CELF1: variants seen among roughly 807,000 people sequenced by gnomAD.
CELF1 encodes the protein CUGBP Elav-like family member 1.
In CELF1, 10 loss-of-function variants were observed where a neutral mutation model predicts 61.8. That is an observed-to-expected ratio of 0.16 (90% CI 0.10 to 0.27). The LOEUF (loss-of-function observed/expected upper bound fraction) is 0.27, where lower values mean the gene tolerates loss of function less well. Among genes scored for constraint, CELF1 ranks in the 10% least tolerant of loss-of-function variants. The pLI is 1.00. For missense variants in CELF1, 380 were observed against 639.1 expected (o/e 0.59, Z 4.37); for synonymous variants, 236 against 225.1 (o/e 1.05, Z -0.43).
At chr11:47,514,579 G>C (rs941885239) in intron 1 of CELF1, among the ~76,000 whole-genome samples, 5 of 151,744 alleles carry the variant, frequency 3.3e-5, no homozygotes, top group African/African-American at 1.2e-4. Context: ...TTTTTGGCCA[G>C]GCATGATGGC....
chr11:47,525,861 C>T (rs561573896), intron 1 of CELF1, among the ~76,000 whole-genome samples: 1 of 151,846 alleles, frequency 6.6e-6, no homozygotes, highest in East Asian at 1.9e-4. Context: ...GGGTGGACCA[C>T]TTGAGCCCAG....
Position 47,475,317 on chromosome 11 carries a change from G to A in CELF1, c.1273+19C>T, listed in dbSNP as rs559645704. On this transcript the variant is annotated intron_variant, in intron 13 of 14. Coordinates refer to ENST00000687097, the MANE Select transcript of CELF1 (RefSeq NM_001376376.1). ...AAAACCGCCCCCCATACCTGACCCCGATCTCCCTTTGCACTCACCTTCCTT... is the reference window on the plus strand; with the variant it reads ...AAAACCGCCCCCCATACCTGACCCCAATCTCCCTTTGCACTCACCTTCCTT... The A allele has an allele frequency of 3.1e-6, 5 of 1,611,672 alleles. No homozygotes were observed. Among genetic ancestry groups the A allele is most frequent in the African/African-American group, 1.3e-5 (1 of 74,968 alleles).
chr11:47,483,406 G>C (rs1289762844), intron 8 of CELF1, 47 bp downstream of exon 8: 1 of 1,469,256 alleles, frequency 6.8e-7, no homozygotes, highest in South Asian at 1.1e-5. Flanking sequence ...AACTGTCCCA[G>C]CATTCCCAAG....
At chr11:47,532,746 G>C (rs1464425049) in intron 1 of CELF1, among the ~76,000 whole-genome samples, 1 of 152,168 alleles carries the variant, frequency 6.6e-6, no homozygotes, top group Non-Finnish European at 1.5e-5. Flanking sequence ...AGCATTTTCA[G>C]CCTATAGCTT....
chr11:47,541,137 G>A (rs1269319496), intron 1 of CELF1, among the ~76,000 whole-genome samples: 1 of 152,138 alleles, frequency 6.6e-6, no homozygotes, highest in Non-Finnish European at 1.5e-5. Context: ...TGGAAAAAGC[G>A]TACAGCAAAT....
chr11:47,539,468 C>G (rs2096720657), intron 1 of CELF1, among the ~76,000 whole-genome samples: 1 of 152,104 alleles, frequency 6.6e-6, no homozygotes, highest in African/African-American at 2.4e-5. Flanking sequence ...TCACGGCTAA[C>G]ATGGTGAAAC....
intron 13 of CELF1, among the ~76,000 whole-genome samples, chr11:47,474,369 G>A (rs2079052748): frequency 6.6e-6 from 1 of 152,136 alleles, no homozygotes; most frequent in African/African-American, 2.4e-5. Flanking sequence ...ATTCAGGCAT[G>A]ACTTGCTTCC....
intron 1 of CELF1, among the ~76,000 whole-genome samples, chr11:47,546,111 C>T (rs1291578889): frequency 6.6e-6 from 1 of 151,168 alleles, no homozygotes; most frequent in African/African-American, 2.4e-5. Flanking sequence ...GGGGTTTCAC[C>T]GTGTTAGCCA....
upstream of CELF1, among the ~76,000 whole-genome samples, chr11:47,556,853 C>T (rs1170052494): frequency 6.6e-6 from 1 of 152,172 alleles, no homozygotes; most frequent in Non-Finnish European, 1.5e-5. Flanking sequence ...TGCACTCCAG[C>T]CTAGGCATCA....
Position 47,484,370 on chromosome 11 carries a change from A to G in CELF1, c.526+19T>C, listed in dbSNP as rs778039088. The stretch of plus-strand genomic sequence containing the variant: ...AAAACAAAAAACCAAAAGATTATTT[A>G]AAAGCTAAAACTACCTACCTCGGCT... On this transcript the variant is annotated intron_variant, in intron 7 of 14. Transcript: ENST00000687097. The G allele has an allele frequency of 4.4e-6, 7 of 1,594,808 alleles. No individual in the cohort carries two copies. The African/African-American group carries it at 9.6e-5, about 22-fold the overall frequency.
At chr11:47,533,146 T>G (rs1243275266) in intron 1 of CELF1, among the ~76,000 whole-genome samples, 1 of 152,080 alleles carries the variant, frequency 6.6e-6, no homozygotes, top group Non-Finnish European at 1.5e-5. Context: ...ATCTTATTAT[T>G]TCAGCAAGCT....
chr11:47,515,202 T>C (rs762266758), intron 1 of CELF1, among the ~76,000 whole-genome samples: 10 of 152,184 alleles, frequency 6.6e-5, no homozygotes, highest in African/African-American at 2.4e-4. Flanking sequence ...TGTTAAGTAT[T>C]TGCCTGGTGG....
At chr11:47,493,071 A>C (rs2092196671) in intron 3 of CELF1, among the ~76,000 whole-genome samples, 1 of 152,196 alleles carries the variant, frequency 6.6e-6, no homozygotes, top group African/African-American at 2.4e-5. Context: ...TGTAGATTAC[A>C]GTTTACCCAA....
At chr11:47,510,885 GA>G (rs1175611058) in intron 1 of CELF1, among the ~76,000 whole-genome samples, 1 of 151,998 alleles carries the variant, frequency 6.6e-6, no homozygotes, top group Non-Finnish European at 1.5e-5. Context: ...ATTTAGCCAG[GA>G]AGAAAAAGAA....
At chr11:47,479,143 A>G (rs1413578013) in intron 9 of CELF1, among the ~76,000 whole-genome samples, 191 bp from the exon 10 acceptor site, 3 of 152,156 alleles carry the variant, frequency 2.0e-5, no homozygotes. Flanking sequence ...AAACACAGCT[A>G]AAGCACTGGC....
At chr11:47,511,568 A>C (rs2095174036) in intron 1 of CELF1, among the ~76,000 whole-genome samples, 1 of 152,238 alleles carries the variant, frequency 6.6e-6, no homozygotes, top group African/African-American at 2.4e-5. Flanking sequence ...ACCTAAAAGT[A>C]AAGAGAAATG....
intron 1 of CELF1, among the ~76,000 whole-genome samples, chr11:47,509,206 G>A (rs1232968490): frequency 3.3e-5 from 5 of 152,202 alleles, no homozygotes; most frequent in Non-Finnish European, 5.9e-5. Flanking sequence ...AGCTTTGACT[G>A]TTTTACATCT....
At chr11:47,545,626 C>T (rs1218330246) in intron 1 of CELF1, among the ~76,000 whole-genome samples, 1 of 152,038 alleles carries the variant, frequency 6.6e-6, no homozygotes, top group Non-Finnish European at 1.5e-5. Flanking sequence ...TGCCTAGCTG[C>T]CAGAGACCTT....
In CELF1 at chr11:47,466,242, C is replaced by T. The variant is rs1202609404; in HGVS notation, c.*5988G>A. ...TTAAAGTAAAATCCATAATTTTCTA[C>T]AGAGTACAACACAAGTTCACACAAA... On this transcript the variant is annotated 3_prime_UTR_variant, in exon 15 of 15. Coordinates refer to ENST00000687097, the MANE Select transcript of CELF1 (RefSeq NM_001376376.1). The T allele has an allele frequency of 6.6e-6, 1 of 152,034 alleles. No homozygotes were observed. Among genetic ancestry groups the T allele is most frequent in the Non-Finnish European group, 1.5e-5 (1 of 68,018 alleles). The allele number at this position is 152,034 out of a possible 1,614,324, so 9.4% of individuals were successfully genotyped here. A position where few individuals can be genotyped will look rare whatever the true frequency, so the allele number is the denominator to read the frequency against.
Sources: gnomAD v4.1 joint callset for allele counts (sites outside exome capture counted in the v4.1 genomes callset) on GRCh38, gnomAD v4.1.1 for gene constraint, MANE v1.5 for transcripts, NCBI Gene and HGNC (gene_info 2026-07-23, HGNC 2026-07-21) for gene names.